Variants in ATP6V0A4 observed in about 807,000 individuals in gnomAD.
The protein encoded by ATP6V0A4 is ATPase H+ transporting V0 subunit a4, also known as V-type proton ATPase 116 kDa subunit a 4.
In ATP6V0A4, 86 loss-of-function variants were observed where a neutral mutation model predicts 107.3. The observed-to-expected ratio is 0.80, with a 90% CI of 0.67 to 0.96. ATP6V0A4 has a LOEUF of 0.96. ATP6V0A4 is among the 40% of genes least tolerant of loss of function. The pLI, the probability that ATP6V0A4 is intolerant of heterozygous loss-of-function variation, is 0.00. For synonymous variants in ATP6V0A4, 353 were observed against 381.4 expected, an observed-to-expected ratio of 0.93 and a Z score of 0.87; for missense variants, 908 against 1,045.6, an observed-to-expected ratio of 0.87 and a Z score of 1.81.
chr7:138,739,618 C>T lies in ATP6V0A4; in HGVS notation c.1494G>A (p.Glu498=), dbSNP rs769726811. The T allele has an allele frequency of 1.2e-6, 2 of 1,614,116 alleles. No individual in the cohort carries two copies. The highest frequency in any genetic ancestry group is 1.7e-6 in the Non-Finnish European group (2 of 1,180,008). ...GGTCCAGCTGCAGATATAGACTTTC[C>T]TCCATTACATGAGTACTTTAGAGGG... ...RNGTWNTHVM[E]ESLYLQLDPA... The change falls in exon 15 of 22, where the codon GAG becomes GAA. Residue 498 remains glutamate (E), a synonymous_variant. Transcript: ENST00000310018.
intron 21 of ATP6V0A4, among the ~76,000 whole-genome samples, chr7:138,707,161 A>ATATCT (rs1803426078): frequency 2.7e-5 from 2 of 74,082 alleles, no homozygotes; most frequent in Non-Finnish European, 4.7e-5. Context: ...TTAATATATA[A>ATATCT]TATATTATAT....
intron 8 of ATP6V0A4, 74 bp downstream of exon 8, chr7:138,759,678 T>G: frequency 3.3e-6 from 5 of 1,500,240 alleles, no homozygotes; most frequent in Non-Finnish European, 4.6e-6. Flanking sequence ...CCCCCATGTT[T>G]TGGGAGAACG....
chr7:138,796,613 C>A (rs1808676123), intron 1 of ATP6V0A4, among the ~76,000 whole-genome samples: 1 of 129,308 alleles, frequency 7.7e-6, no homozygotes, highest in African/African-American at 2.7e-5. Context: ...CAACTCTAAT[C>A]TGCACATACA....
chr7:138,768,639 G>C, intron 5 of ATP6V0A4, 141 bp downstream of exon 5: 1 of 1,021,166 alleles, frequency 9.8e-7, no homozygotes, highest in Non-Finnish European at 1.4e-6. Context: ...CTGTAACCCT[G>C]AGAGGGAGAC....
In ATP6V0A4 at chr7:138,798,143, C is replaced by A. The variant is rs746245796; in HGVS notation, c.-230G>T. Reference sequence around the variant, plus strand: ...CCGCTGCCACCCGGGCCACCCTGATCCTCAGCCTGGCCTTTGCCTCCCTCC... The same window carrying A: ...CCGCTGCCACCCGGGCCACCCTGATACTCAGCCTGGCCTTTGCCTCCCTCC... On this transcript the variant is annotated 5_prime_UTR_variant, in exon 1 of 22. Coordinates refer to ENST00000310018, the MANE Select transcript of ATP6V0A4 (RefSeq NM_020632.3). The A allele has an allele frequency of 1.2e-6, 2 of 1,602,248 alleles. No homozygotes were observed. The highest frequency in any genetic ancestry group is 1.7e-6 in the Non-Finnish European group (2 of 1,174,986).
chr7:138,733,549 C>T (rs56983691), intron 16 of ATP6V0A4, among the ~76,000 whole-genome samples: 1 of 149,818 alleles, frequency 6.7e-6, no homozygotes, highest in Non-Finnish European at 1.5e-5. Flanking sequence ...TTCTGTACAG[C>T]CTGGAAGTTA....
At chr7:138,775,840 C>T (rs56804758) in intron 2 of ATP6V0A4, among the ~76,000 whole-genome samples, 3,308 of 151,956 alleles carry the variant, frequency 0.022, 123 homozygotes, top group African/African-American at 0.076. Context: ...TTAGTAGAGA[C>T]GGGGTTTCAC....
chr7:138,780,803 G>A (rs1030999178), intron 2 of ATP6V0A4, among the ~76,000 whole-genome samples: 11 of 152,072 alleles, frequency 7.2e-5, no homozygotes, highest in African/African-American at 2.7e-4. Flanking sequence ...CTACTTGAAA[G>A]CTGAGGTGAG....
intron 13 of ATP6V0A4, among the ~76,000 whole-genome samples, chr7:138,747,138 C>T (rs948670568): frequency 4.6e-5 from 7 of 151,766 alleles, no homozygotes; most frequent in African/African-American, 1.7e-4. Context: ...TTATGTATTG[C>T]TTTCATAATC....
Position 138,766,202 on chromosome 7 carries a change from TA to T in ATP6V0A4, c.291+2577del, listed in dbSNP as rs150341574. 5.2e-3 allele frequency among the ~76,000 whole-genome samples: 419 copies of T among 80,988 alleles called. 6 individuals carry two copies. Among genetic ancestry groups the T allele is most frequent in the African/African-American group, 0.024 (293 of 12,340 alleles). The allele number at this position is 80,988 out of a possible 152,430, so 53.1% of individuals were successfully genotyped here. On this transcript the variant is annotated intron_variant, in intron 5 of 21. Coordinates refer to ENST00000310018, the MANE Select transcript of ATP6V0A4 (RefSeq NM_020632.3). ...ACACCTTAAAATATCATGTTATTAT[TA>T]TTTTTTTTTTTTTTTTGGAAACACA...
intron 17 of ATP6V0A4, among the ~76,000 whole-genome samples, chr7:138,730,733 A>C (rs1036164816): frequency 1.3e-5 from 2 of 152,178 alleles, no homozygotes; most frequent in African/African-American, 4.8e-5. Context: ...AAATCCAAAT[A>C]AATGTTTGTT....
In ATP6V0A4 at chr7:138,745,201, T is replaced by C. The variant is rs1344106831; in HGVS notation, c.1400A>G (p.Asn467Ser). 4 of 1,614,070 alleles carry C rather than the reference T, an allele frequency of 2.5e-6. No homozygotes were observed. Among genetic ancestry groups the C allele is most frequent in the South Asian group, 1.1e-5 (1 of 91,092 alleles). ...IFSIYTGLIY[N>S]DCFSKSLNIF... ...GTTCAAGGACTTGGAGAAGCAGTCA[T>C]TGTAGATCAAACCCGTGTAGATGGA... Residue 467 changes from asparagine to serine, a missense_variant, in exon 14 of 22, where the codon AAT becomes AGT. Coordinates refer to ENST00000310018, the MANE Select transcript of ATP6V0A4 (RefSeq NM_020632.3).
chr7:138,716,586 G>GA (rs368732942), intron 19 of ATP6V0A4, among the ~76,000 whole-genome samples: 5,216 of 147,942 alleles, frequency 0.035, 301 homozygotes, highest in African/African-American at 0.11. Flanking sequence ...GGGGGGGGGG[G>GA]AGGGTCTTGC....
In ATP6V0A4 at chr7:138,762,927, G is replaced by A. The variant is rs1407832442; in HGVS notation, c.390C>T (p.Leu130=). 1 of 1,614,012 alleles carries A rather than the reference G, an allele frequency of 6.2e-7. No individual in the cohort carries two copies. Among genetic ancestry groups the A allele is most frequent in the South Asian group, 1.1e-5 (1 of 91,076 alleles). ...SFLELTELKY[L]LKKTQDFFET... is the part of the protein sequence containing the mutation. Reference sequence around the variant, plus strand: ...CAAAGAAGTCTTGGGTTTTCTTCAGGAGGTATTTCAGTTCTGTCAGTTCTA... The same window carrying A: ...CAAAGAAGTCTTGGGTTTTCTTCAGAAGGTATTTCAGTTCTGTCAGTTCTA... The change falls in exon 6 of 22, where the codon CTC becomes CTT. Residue 130 remains leucine (L), a synonymous_variant. Coordinates refer to ENST00000310018, the MANE Select transcript of ATP6V0A4 (RefSeq NM_020632.3).
chr7:138,771,284 A>T lies in ATP6V0A4; in HGVS notation c.-17-20T>A, dbSNP rs752889344. The stretch of plus-strand genomic sequence containing the variant: ...CTCGGTCTACAGGAGAAAAAGAAAA[A>T]GATATTAATATTTAAGGTAATAAAT... On this transcript the variant is annotated intron_variant, in intron 2 of 21. Coordinates refer to ENST00000310018, the MANE Select transcript of ATP6V0A4 (RefSeq NM_020632.3). 1.1e-5 allele frequency: 18 copies of T among 1,610,700 alleles called. No individual in the cohort carries two copies. In the South Asian group the frequency reaches 2.0e-4, roughly 18 times the overall value.
In ATP6V0A4 at chr7:138,721,972, G is replaced by A; in HGVS notation, c.2064C>T (p.Ser688=). ...EDATENIEGD[S]SSPSSRSGQR... is the part of the protein sequence containing the mutation. ...GGCCAGAACGGCTAGAAGGGCTGGAGCTATCACCTTCAATGTTCTCAGTGG... is the reference window on the plus strand; with the variant it reads ...GGCCAGAACGGCTAGAAGGGCTGGAACTATCACCTTCAATGTTCTCAGTGG... Residue 688 remains serine (S), a synonymous_variant, in exon 19 of 22, where the codon AGC becomes AGT. Coordinates refer to ENST00000310018, the MANE Select transcript of ATP6V0A4 (RefSeq NM_020632.3). The A allele has an allele frequency of 3.1e-6, 5 of 1,614,196 alleles. No homozygotes were observed. The highest frequency in any genetic ancestry group is 4.2e-6 in the Non-Finnish European group (5 of 1,180,042).
chr7:138,769,876 G>C (rs567595347), intron 3 of ATP6V0A4, among the ~76,000 whole-genome samples: 3 of 152,048 alleles, frequency 2.0e-5, no homozygotes, highest in African/African-American at 7.2e-5. Flanking sequence ...CCAGGAGTTC[G>C]AGACCAACCT....
chr7:138,763,187 ACACACACAC>A, intron 5 of ATP6V0A4, 162 bp from the exon 6 acceptor site: 1 of 187,238 alleles, frequency 5.3e-6, no homozygotes, highest in Non-Finnish European at 8.5e-6. Context: ...ACACACACAG[ACACACACAC>A]ACACACACAC....
intron 1 of ATP6V0A4, among the ~76,000 whole-genome samples, chr7:138,789,244 G>T (rs1467050288): frequency 6.6e-6 from 1 of 151,316 alleles, no homozygotes; most frequent in East Asian, 2.0e-4. Context: ...TGTTGTTGTT[G>T]TTTTTGTCTT....
Sources: gnomAD v4.1 joint callset for allele counts (sites outside exome capture counted in the v4.1 genomes callset) on GRCh38, gnomAD v4.1.1 for gene constraint, MANE v1.5 for transcripts, NCBI Gene and HGNC (gene_info 2026-07-23, HGNC 2026-07-21) for gene names.